SYNDIG1: variants seen among roughly 807,000 people sequenced by gnomAD.
SYNDIG1 encodes the protein synapse differentiation-inducing gene protein 1.
A neutral mutation model predicts 19.4 loss-of-function variants in SYNDIG1; 9 were observed. That is an observed-to-expected ratio of 0.46 (90% CI 0.28 to 0.81). SYNDIG1 has a LOEUF of 0.81. SYNDIG1 is among the 30% of genes least tolerant of loss of function. The pLI, the probability that SYNDIG1 is intolerant of heterozygous loss-of-function variation, is 0.12. For missense variants in SYNDIG1, 311 were observed against 343.3 expected (o/e 0.91, Z 0.74); for synonymous variants, 141 against 145.9 (o/e 0.97, Z 0.24).
intron 2 of SYNDIG1, among the ~76,000 whole-genome samples, chr20:24,559,669 A>T (rs886538547): frequency 6.6e-6 from 1 of 152,214 alleles, no homozygotes; most frequent in African/African-American, 2.4e-5. Flanking sequence ...TCTGCTAGGA[A>T]CAAATTCATT....
intron 1 of SYNDIG1, among the ~76,000 whole-genome samples, chr20:24,528,323 A>G (rs1328350805): frequency 2.0e-5 from 3 of 152,198 alleles, no homozygotes; most frequent in Non-Finnish European, 4.4e-5. Flanking sequence ...ACTGTGGGCC[A>G]GATTTGTGAT....
At chr20:24,495,013 A>T (rs150771384) in intron 1 of SYNDIG1, among the ~76,000 whole-genome samples, 3 of 152,330 alleles carry the variant, frequency 2.0e-5, no homozygotes, top group Admixed American at 2.0e-4. Flanking sequence ...AAAAGGTAGA[A>T]CTCAGTTACA....
chr20:24,564,106 T>C (rs73902590), intron 2 of SYNDIG1, among the ~76,000 whole-genome samples: 96 of 152,220 alleles, frequency 6.3e-4, no homozygotes, highest in African/African-American at 2.2e-3. Flanking sequence ...ACCTGACCAA[T>C]GTAGATAAAA....
chr20:24,575,619 G>A (rs774292655), intron 2 of SYNDIG1, among the ~76,000 whole-genome samples: 6 of 152,026 alleles, frequency 3.9e-5, no homozygotes, highest in Admixed American at 6.6e-5. Flanking sequence ...TTTATCTTGC[G>A]AGGTTAATAT....
intron 3 of SYNDIG1, among the ~76,000 whole-genome samples, chr20:24,598,848 G>T (rs1165936655): frequency 6.6e-6 from 1 of 152,106 alleles, no homozygotes; most frequent in Non-Finnish European, 1.5e-5. Flanking sequence ...CTCACAATGA[G>T]TTTAAGACTT....
chr20:24,657,964 G>A (rs993843299), intron 3 of SYNDIG1, among the ~76,000 whole-genome samples: 9 of 152,172 alleles, frequency 5.9e-5, no homozygotes, highest in African/African-American at 1.4e-4. Flanking sequence ...AGTGTCTTGC[G>A]GAAGCCTGTC....
chr20:24,543,725 T>C, intron 2 of SYNDIG1, 148 bp downstream of exon 2: 2 of 1,131,394 alleles, frequency 1.8e-6, no homozygotes, highest in Non-Finnish European at 2.5e-6. Flanking sequence ...TGCCCTTCAC[T>C]CTTGAGTGCT....
At chr20:24,489,577 ACAC>A (rs772410265) in intron 1 of SYNDIG1, among the ~76,000 whole-genome samples, 3 of 152,116 alleles carry the variant, frequency 2.0e-5, no homozygotes, top group Non-Finnish European at 1.5e-5. Context: ...ACACAGGCAC[ACAC>A]CACAGTCACA....
intron 1 of SYNDIG1, among the ~76,000 whole-genome samples, chr20:24,514,332 A>G (rs749602772): frequency 9.2e-5 from 14 of 152,220 alleles, no homozygotes; most frequent in Non-Finnish European, 1.8e-4. Flanking sequence ...AAACTGGCAA[A>G]TTGGATAAAG....
chr20:24,478,786 A>C (rs2055707672), intron 1 of SYNDIG1, among the ~76,000 whole-genome samples: 1 of 152,226 alleles, frequency 6.6e-6, no homozygotes, highest in Non-Finnish European at 1.5e-5. Flanking sequence ...GCCAGGAGTC[A>C]TGCACTTAGA....
intron 3 of SYNDIG1, among the ~76,000 whole-genome samples, chr20:24,618,820 CTTTCT>C (rs2058991096): frequency 6.8e-6 from 1 of 146,524 alleles, no homozygotes; most frequent in African/African-American, 2.6e-5. Flanking sequence ...TTCCTTTTTC[CTTTCT>C]TTGTTTTTTA....
At chr20:24,654,914 G>A in intron 3 of SYNDIG1, among the ~76,000 whole-genome samples, 1 of 152,152 alleles carries the variant, frequency 6.6e-6, no homozygotes, top group Non-Finnish European at 1.5e-5. Context: ...TTCCAAAGTG[G>A]AATTCTATAC....
chr20:24,624,677 A>G (rs928762756), intron 3 of SYNDIG1, among the ~76,000 whole-genome samples: 1 of 152,234 alleles, frequency 6.6e-6, no homozygotes, highest in East Asian at 1.9e-4. Flanking sequence ...AATGACCTGA[A>G]TAGCACTATC....
At chr20:24,542,656 A>G (rs546337960) in intron 1 of SYNDIG1, among the ~76,000 whole-genome samples, 4 of 152,320 alleles carry the variant, frequency 2.6e-5, no homozygotes, top group Non-Finnish European at 5.9e-5. Flanking sequence ...ACAGATTTGC[A>G]GTTCTGTTTT....
chr20:24,621,697 A>C (rs2059040753), intron 3 of SYNDIG1, among the ~76,000 whole-genome samples: 1 of 152,210 alleles, frequency 6.6e-6, no homozygotes, highest in South Asian at 2.1e-4. Flanking sequence ...ATACTTGATC[A>C]GATCAGAGAA....
At chr20:24,663,770 C>T (rs1424501757) in intron 3 of SYNDIG1, among the ~76,000 whole-genome samples, 1 of 152,226 alleles carries the variant, frequency 6.6e-6, no homozygotes, top group Non-Finnish European at 1.5e-5. Flanking sequence ...TTCCTCTCTG[C>T]ACCCCTTTGC....
chr20:24,518,470 G>T (rs903084280), intron 1 of SYNDIG1, among the ~76,000 whole-genome samples: 2 of 152,196 alleles, frequency 1.3e-5, no homozygotes, highest in Non-Finnish European at 2.9e-5. Flanking sequence ...TGGAAACACG[G>T]TATATGGGCA....
chr20:24,492,792 T>C (rs562579361), intron 1 of SYNDIG1, among the ~76,000 whole-genome samples: 1 of 152,278 alleles, frequency 6.6e-6, no homozygotes, highest in East Asian at 1.9e-4. Flanking sequence ...TTGCCTTGCC[T>C]CTCCCTGCAT....
At chr20:24,514,740 T>G (rs2056824851) in intron 1 of SYNDIG1, among the ~76,000 whole-genome samples, 1 of 152,082 alleles carries the variant, frequency 6.6e-6, no homozygotes, top group Non-Finnish European at 1.5e-5. Flanking sequence ...AACAAGGATA[T>G]CCAGGAATTG....
Sources: gnomAD v4.1 joint callset for allele counts (sites outside exome capture counted in the v4.1 genomes callset) on GRCh38, gnomAD v4.1.1 for gene constraint, MANE v1.5 for transcripts, NCBI Gene and HGNC (gene_info 2026-07-23, HGNC 2026-07-21) for gene names.